The following TMEM232 variants were observed in gnomAD, a reference collection of about 807,000 sequenced individuals.
The protein encoded by TMEM232 is transmembrane protein 232.
In TMEM232, 80 loss-of-function variants were observed where a neutral mutation model predicts 78.8. The observed-to-expected ratio is 1.01, with a 90% CI of 0.85 to 1.22. The LOEUF is 1.22. TMEM232 is among the 50% of genes most tolerant of loss of function. TMEM232 has a pLI of 0.00. For synonymous variants in TMEM232, 297 were observed against 254.3 expected (o/e 1.17, Z -1.60); for missense variants, 881 against 742.2 (o/e 1.19, Z -2.17).
chr5:110,471,504 CA>C (rs1309008161), intron 12 of TMEM232, among the ~76,000 whole-genome samples: 4 of 151,194 alleles, frequency 2.6e-5, no homozygotes, highest in African/African-American at 9.7e-5. Flanking sequence ...TTAAAGACAG[CA>C]AGAAAAAAGC....
At chr5:110,482,579 C>G (rs899299839) in intron 12 of TMEM232, among the ~76,000 whole-genome samples, 29 of 145,432 alleles carry the variant, frequency 2.0e-4, no homozygotes, top group Admixed American at 1.9e-3. Context: ...GAAACTCCAT[C>G]TCAAAAAAAA....
intron 10 of TMEM232, among the ~76,000 whole-genome samples, chr5:110,595,373 A>C (rs930986533): frequency 2.0e-5 from 3 of 152,164 alleles, no homozygotes; most frequent in African/African-American, 7.2e-5. Context: ...TTCTCCTCCA[A>C]ATGATCGCAA....
chr5:110,667,452 G>T, intron 1 of TMEM232, 88 bp from the exon 2 acceptor site: 2 of 1,049,656 alleles, frequency 1.9e-6, no homozygotes, highest in Non-Finnish European at 2.6e-6. Flanking sequence ...TTTTGGAAAA[G>T]AATAGCAAGA....
intron 2 of TMEM232, among the ~76,000 whole-genome samples, chr5:110,664,578 T>C (rs1790296344): frequency 6.6e-6 from 1 of 152,218 alleles, no homozygotes; most frequent in African/African-American, 2.4e-5. Flanking sequence ...TGTCACAGGC[T>C]ACTGAGGCTT....
chr5:110,536,801 TG>T (rs1561650403), intron 11 of TMEM232, among the ~76,000 whole-genome samples: 3 of 152,182 alleles, frequency 2.0e-5, no homozygotes, highest in Middle Eastern at 3.4e-3. Flanking sequence ...GTGTGGGGCA[TG>T]GGGGGCATTC....
intron 1 of TMEM232, among the ~76,000 whole-genome samples, chr5:110,687,543 T>C (rs771475731): frequency 5.9e-5 from 9 of 152,244 alleles, no homozygotes; most frequent in South Asian, 4.1e-4. Context: ...TTATTGCCAA[T>C]AAAATAAAAT....
chr5:110,572,955 C>T (rs112976192), intron 10 of TMEM232, among the ~76,000 whole-genome samples: 1,915 of 152,136 alleles, frequency 0.013, 35 homozygotes, highest in African/African-American at 0.043. Flanking sequence ...TAGCATAAGG[C>T]ACTCTTCTGT....
intron 7 of TMEM232, among the ~76,000 whole-genome samples, chr5:110,624,905 C>T (rs72771460): frequency 0.074 from 11,256 of 151,838 alleles, 488 homozygotes; most frequent in Admixed American, 0.12. Flanking sequence ...TTAAGAAAAA[C>T]AAATTTTCTA....
chr5:110,428,008 T>A (rs1249131789), intron 12 of TMEM232, among the ~76,000 whole-genome samples: 2 of 151,886 alleles, frequency 1.3e-5, no homozygotes, highest in Non-Finnish European at 2.9e-5. Flanking sequence ...TTATACTTTT[T>A]TAGTTATTTT....
intron 12 of TMEM232, among the ~76,000 whole-genome samples, chr5:110,470,608 A>G (rs927393467): frequency 6.6e-6 from 1 of 152,184 alleles, no homozygotes; most frequent in African/African-American, 2.4e-5. Context: ...TGCTGCCACC[A>G]TCACTCCTAC....
At chr5:110,720,746 G>A (rs1469893451) in intron 1 of TMEM232, 3 of 151,904 alleles carry the variant, frequency 2.0e-5, no homozygotes, top group African/African-American at 4.8e-5. Context: ...AAAATCATAC[G>A]CTTTCTGGAC....
chr5:110,513,057 C>T (rs1417128168), intron 12 of TMEM232, among the ~76,000 whole-genome samples: 1 of 152,152 alleles, frequency 6.6e-6, no homozygotes, highest in Non-Finnish European at 1.5e-5. Flanking sequence ...TGATGACACC[C>T]ATAATTCCTG....
intron 2 of TMEM232, among the ~76,000 whole-genome samples, chr5:110,398,955 C>G (rs919237597): frequency 6.6e-6 from 1 of 152,032 alleles, no homozygotes; most frequent in Non-Finnish European, 1.5e-5. Flanking sequence ...TCTTTGGGGC[C>G]CATTACCCAT....
chr5:110,619,361 A>G (rs10064687), intron 7 of TMEM232, among the ~76,000 whole-genome samples: 59,631 of 152,026 alleles, frequency 0.39, 16,170 homozygotes, highest in African/African-American at 0.77. Context: ...TCAGATAGAA[A>G]GCAAGAAGTT....
rs113840407 is a variant in TMEM232 at position 110,734,353 on chromosome 5, G to A, written c.-13+550C>T. On this transcript the variant is annotated intron_variant, in intron 2 of 4. Coordinates refer to the TMEM232 transcript ENST00000512886. ...TCATGGTTATGGCAGAAGCCCAAGC[G>A]GGCAAGCCAACTGAGCAAAGCCTCT... is the stretch of plus-strand genomic sequence containing the variant. Among the ~76,000 whole-genome samples the A allele has an allele frequency of 9.2e-5, 14 of 152,102 alleles. No homozygotes were observed. In the East Asian group the frequency reaches 9.6e-4, roughly 10 times the overall value.
At chr5:110,697,633 G>A (rs1311288692) in intron 1 of TMEM232, among the ~76,000 whole-genome samples, 1 of 152,080 alleles carries the variant, frequency 6.6e-6, no homozygotes, top group African/African-American at 2.4e-5. Context: ...CAACAAGTAG[G>A]CAAAGGATAT....
At chr5:110,553,782 CCTTGT>C (rs562634374) in intron 11 of TMEM232, among the ~76,000 whole-genome samples, 19 of 152,206 alleles carry the variant, frequency 1.2e-4, no homozygotes, top group Non-Finnish European at 2.6e-4. Flanking sequence ...CAGTGGGCAT[CCTTGT>C]CTTGTTTTGT....
At chr5:110,488,063 C>T (rs369387424) in intron 12 of TMEM232, among the ~76,000 whole-genome samples, 1 of 152,014 alleles carries the variant, frequency 6.6e-6, no homozygotes, top group Non-Finnish European at 1.5e-5. Flanking sequence ...GTATCTAATT[C>T]TTCCTGATTT....
At chr5:110,633,384 AAAC>A (rs1410960631) in intron 5 of TMEM232, among the ~76,000 whole-genome samples, 2 of 152,206 alleles carry the variant, frequency 1.3e-5, no homozygotes, top group African/African-American at 2.4e-5. Flanking sequence ...CCACAGGGAC[AAAC>A]AACAAGAGGA....
Sources: allele counts gnomAD v4.1 joint callset (sites outside exome capture counted in the v4.1 genomes callset), GRCh38; gene constraint gnomAD v4.1.1; transcripts MANE v1.5; gene names NCBI Gene and HGNC (gene_info 2026-07-23, HGNC 2026-07-21).